Variants in ZNF628 observed in about 807,000 individuals in gnomAD.
ZNF628 encodes zinc finger protein Zec.
In ZNF628, 3 loss-of-function variants were observed where a neutral mutation model predicts 2.5. The ratio of observed to expected loss-of-function variants is 1.19; its 90% CI spans 0.54 to 3.07. ZNF628 has a LOEUF of 3.07. Ranked by LOEUF, ZNF628 falls within the 30% of genes most tolerant of loss-of-function variation. ZNF628 has a pLI of 0.03. For synonymous variants in ZNF628, 861 were observed against 717.1 expected, an observed-to-expected ratio of 1.20 and a Z score of -3.21; for missense variants, 1,610 against 1,517.1, an observed-to-expected ratio of 1.06 and a Z score of -1.02.
rs1397552204 is a variant in ZNF628 at position 55,482,354 on chromosome 19, C to T, written c.1161C>T (p.Arg387=). 16 of 1,441,870 alleles carry T rather than the reference C, an allele frequency of 1.1e-5. No individual in the cohort carries two copies. The highest frequency in any genetic ancestry group is 1.5e-5 in the Non-Finnish European group (16 of 1,101,954). 89.3% of individuals were successfully genotyped at this position (1,441,870 alleles called of 1,614,324 possible). Residue 387 remains arginine, a synonymous_variant, in exon 3 of 3, where the codon CGC becomes CGT. Transcript: ENST00000598519. ...SHGAAGGQAF[R]CGSCDGSFPQ... Reference sequence around the variant, plus strand: ...GGGCTGCCGGCGGGCAAGCGTTCCGCTGCGGCAGCTGCGACGGCTCCTTCC... The same window carrying T: ...GGGCTGCCGGCGGGCAAGCGTTCCGTTGCGGCAGCTGCGACGGCTCCTTCC...
At position 55,481,301 on chromosome 19, in the gene ZNF628, C is replaced by T. The variant is rs1470515935; in HGVS notation, c.108C>T (p.Tyr36=). 4 of 1,609,024 alleles carry T rather than the reference C, an allele frequency of 2.5e-6. No individual in the cohort carries two copies. Among genetic ancestry groups the T allele is most frequent in the Admixed American group, 1.7e-5 (1 of 59,452 alleles). The change falls in exon 3 of 3, where the codon TAC becomes TAT. Residue 36 remains tyrosine, a synonymous_variant. Coordinates refer to ENST00000598519, the MANE Select transcript of ZNF628 (RefSeq NM_033113.3). ...CGGCCCCTGCCCCGGCGGCCCAGTA[C>T]GAATGTGGGGAGTGTGGCAAGTCAT... is the stretch of plus-strand genomic sequence containing the variant. The part of the protein sequence containing the change: ...GPAAPAPAAQ[Y]ECGECGKSFR...
Position 55,483,239 on chromosome 19 carries a change from C to G in ZNF628, c.2046C>G (p.Pro682=). The part of the protein sequence containing the change: ...PPATQDVHVL[P]HLQATLSLEV... ...CCACCCAAGATGTCCACGTCCTGCC[C>G]CACCTCCAGGCCACGCTCTCCCTCG... The change falls in exon 3 of 3, where the codon CCC becomes CCG. Residue 682 remains proline, a synonymous_variant. Coordinates refer to ENST00000598519, the MANE Select transcript of ZNF628 (RefSeq NM_033113.3). The G allele has an allele frequency of 6.5e-7, 1 of 1,536,628 alleles. No homozygotes were observed. The highest frequency in any genetic ancestry group is 8.7e-7 in the Non-Finnish European group (1 of 1,146,796).
intron 1 of ZNF628, among the ~76,000 whole-genome samples, chr19:55,477,849 G>T (rs182599385): frequency 6.6e-6 from 1 of 152,102 alleles, no homozygotes; most frequent in East Asian, 1.9e-4. Flanking sequence ...TGTTTACTGC[G>T]CACACACTCT....
chr19:55,477,083 A>G (rs1986569815), intron 1 of ZNF628, among the ~76,000 whole-genome samples: 1 of 152,172 alleles, frequency 6.6e-6, no homozygotes, highest in Non-Finnish European at 1.5e-5. Flanking sequence ...AAGGCCAGTG[A>G]CCGTTTCCCA....
In ZNF628 at chr19:55,482,473, C is replaced by A; in HGVS notation, c.1280C>A (p.Thr427Asn). The part of the protein sequence containing the change: ...PPPQAEAAEV[T>N]CPQEPLAPAA... ...CCGCAGGCTGAGGCTGCGGAGGTGA[C>A]CTGCCCCCAGGAACCGCTGGCGCCT... Residue 427 changes from threonine (T) to asparagine (N), a missense_variant, in exon 3 of 3, where the codon ACC becomes AAC. Thr to Asn is a moderately conservative substitution (Grantham distance 65). Around this residue, in one of 5 missense-constraint regions of ZNF628, gnomAD observed 651 missense variants for 575.6 expected, o/e 1.13. Transcript: ENST00000598519. 2 of 1,433,804 alleles carry A rather than the reference C, an allele frequency of 1.4e-6. No homozygotes were observed. Among genetic ancestry groups the A allele is most frequent in the Non-Finnish European group, 1.8e-6 (2 of 1,099,730 alleles). 88.8% of individuals were successfully genotyped at this position (1,433,804 alleles called of 1,614,324 possible). A position where few individuals can be genotyped will look rare whatever the true frequency, so the allele number is the denominator to read the frequency against.
chr19:55,482,552 C>G lies in ZNF628; in HGVS notation c.1359C>G (p.Pro453=), dbSNP rs934336159. 9.5e-6 allele frequency: 15 copies of G among 1,585,512 alleles called. No individual in the cohort carries two copies. The highest frequency in any genetic ancestry group is 1.3e-5 in the Non-Finnish European group (15 of 1,171,870). The change falls in exon 3 of 3, where the codon CCC becomes CCG. Residue 453 remains proline, a synonymous_variant. Transcript: ENST00000598519. ...CCGCCCCCGCTTCTGCGGAGCGGCC[C>G]TACAAATGTGCCGAGTGCGGCAAGT... The part of the protein sequence containing the change: ...PPSAPASAER[P]YKCAECGKSF...
In ZNF628 at chr19:55,481,877, C is replaced by T. The variant is rs1366322826; in HGVS notation, c.684C>T (p.Ala228=). The T allele has an allele frequency of 2.0e-6, 3 of 1,529,534 alleles. No individual in the cohort carries two copies. Among genetic ancestry groups the T allele is most frequent in the Non-Finnish European group, 2.6e-6 (3 of 1,140,536 alleles). 94.7% of individuals were successfully genotyped at this position (1,529,534 alleles called of 1,614,324 possible). A position where few individuals can be genotyped will look rare whatever the true frequency, so the allele number is the denominator to read the frequency against. ...NLLLHQRTHG[A]APAPGTASAA... ...TGCTGCACCAGCGCACGCACGGCGC[C>T]GCCCCCGCCCCGGGTACCGCCTCCG... The change falls in exon 3 of 3, where the codon GCC becomes GCT. Residue 228 remains alanine, a synonymous_variant. Coordinates refer to ENST00000598519, the MANE Select transcript of ZNF628 (RefSeq NM_033113.3).
chr19:55,482,568 T>G lies in ZNF628; in HGVS notation c.1375T>G (p.Cys459Gly), dbSNP rs1381124677. 6.4e-7 allele frequency: 1 copy of G among 1,571,516 alleles called. No individual in the cohort carries two copies. The highest frequency in any genetic ancestry group is 8.6e-7 in the Non-Finnish European group (1 of 1,159,224). ...GGAGCGGCCCTACAAATGTGCCGAG[T>G]GCGGCAAGTCCTTCAAGGGCTCCTC... ...SAERPYKCAE[C>G]GKSFKGSSGL... The change falls in exon 3 of 3, where the codon TGC (cysteine) becomes GGC (glycine). Residue 459 changes from cysteine to glycine, a missense_variant. Cys to Gly is a radical substitution (Grantham distance 159). This residue lies in a region of ZNF628 where 651 missense variants were observed against 575.6 expected (regional missense o/e 1.13). Transcript: ENST00000598519.
chr19:55,484,311 G>A lies in ZNF628; in HGVS notation c.3118G>A (p.Gly1040Ser), dbSNP rs1257162545. The A allele has an allele frequency of 2.7e-6, 4 of 1,500,836 alleles. No individual in the cohort carries two copies. Among genetic ancestry groups the A allele is most frequent in the Non-Finnish European group, 2.7e-6 (3 of 1,123,882 alleles). 93.0% of individuals were successfully genotyped at this position (1,500,836 alleles called of 1,614,324 possible). ...GAGPGVMTPQ[G>S]LPSIQIVQTL... ...TGGGCCTGGTGTTATGACCCCTCAG[G>A]GCCTGCCCTCCATCCAGATTGTCCA... Residue 1040 changes from glycine to serine, a missense_variant, in exon 3 of 3, where the codon GGC becomes AGC. Gly to Ser is a moderately conservative substitution (Grantham distance 56, BLOSUM62 0). Coordinates refer to ENST00000598519, the MANE Select transcript of ZNF628 (RefSeq NM_033113.3).
In ZNF628 at chr19:55,482,310, C is replaced by A. The variant is rs1599899862; in HGVS notation, c.1117C>A (p.Arg373Ser). 1 of 1,468,418 alleles carries A rather than the reference C, an allele frequency of 6.8e-7. No homozygotes were observed. The highest frequency in any genetic ancestry group is 9.0e-7 in the Non-Finnish European group (1 of 1,115,786). 91.0% of individuals were successfully genotyped at this position (1,468,418 alleles called of 1,614,324 possible). A position where few individuals can be genotyped will look rare whatever the true frequency, so the allele number is the denominator to read the frequency against. ...CTTCCGGACGGTGGCTGGGCTCTCC[C>A]GCCACCAGCACAGCCACGGGGCTGC... ...KSFRTVAGLS[R>S]HQHSHGAAGG... The change falls in exon 3 of 3, where the codon CGC becomes AGC. Residue 373 changes from arginine to serine, a missense_variant. Coordinates refer to ENST00000598519, the MANE Select transcript of ZNF628 (RefSeq NM_033113.3).
rs1986808184 is a variant in ZNF628, at chr19:55,483,455, CGGCCGTGCAAGGCAG to C, written c.2267_2281del (p.Arg756_Gly760del). The C allele has an allele frequency of 6.6e-7, 1 of 1,510,774 alleles. No homozygotes were observed. The highest frequency in any genetic ancestry group is 1.4e-5 in the African/African-American group (1 of 72,538). 93.6% of individuals were successfully genotyped at this position (1,510,774 alleles called of 1,614,324 possible). A position where few individuals can be genotyped will look rare whatever the true frequency, so the allele number is the denominator to read the frequency against. On this transcript the variant is annotated inframe_deletion, in exon 3 of 3. Transcript: ENST00000598519. ...CCTCCTCCAGTGCTGGGGCTGGGGGCGGCCGTGCAAGGCAGGGCCCGCGGGCAGTGGGGAAAGCGG... is the reference window on the plus strand; with the variant it reads ...CCTCCTCCAGTGCTGGGGCTGGGGGCGGCCCGCGGGCAGTGGGGAAAGCGG...
chr19:55,478,777 A>G (rs938749831), intron 1 of ZNF628, among the ~76,000 whole-genome samples: 3 of 152,174 alleles, frequency 2.0e-5, no homozygotes, highest in Non-Finnish European at 1.5e-5. Context: ...TCCGCCTGGA[A>G]GGGGAATCTG....
chr19:55,482,226 C>T lies in ZNF628; in HGVS notation c.1033C>T (p.Pro345Ser). The part of the protein sequence containing the change: ...ADQPPSPLPQ[P>S]PPPAAAPAPG... ...CCAGCCACCGTCCCCTCTGCCGCAG[C>T]CCCCTCCTCCCGCCGCCGCCCCCGC... is the stretch of plus-strand genomic sequence containing the variant. The change falls in exon 3 of 3, where the codon CCC becomes TCC. Residue 345 changes from proline (P) to serine (S), a missense_variant. Physicochemically the swap from Pro to Ser is moderately conservative, Grantham distance 74. This residue lies in a region of ZNF628 where 651 missense variants were observed against 575.6 expected (regional missense o/e 1.13). Transcript: ENST00000598519. 1.4e-6 allele frequency: 2 copies of T among 1,455,224 alleles called. No homozygotes were observed. The highest frequency in any genetic ancestry group is 1.8e-6 in the Non-Finnish European group (2 of 1,111,732). 90.1% of individuals were successfully genotyped at this position (1,455,224 alleles called of 1,614,324 possible).
In ZNF628 at chr19:55,479,829, C is replaced by T. The variant is rs1172855275; in HGVS notation, c.-77-5C>T. On this transcript the variant is annotated splice_region_variant and splice_polypyrimidine_tract_variant and intron_variant, in intron 1 of 2. Coordinates refer to ENST00000598519, the MANE Select transcript of ZNF628 (RefSeq NM_033113.3). This position sits in a 1 kb window ranked among gnomAD's most constrained non-coding sequence, Gnocchi z 5.1. ...CTTCGCGTCTGATTGCTTTTATTTT[C>T]ACAGAGGCATGATCAAGGACAGGGT... 3 of 398,846 alleles carry T rather than the reference C, an allele frequency of 7.5e-6. No homozygotes were observed. Among genetic ancestry groups the T allele is most frequent in the Non-Finnish European group, 1.3e-5 (3 of 226,130 alleles). The allele number at this position is 398,846 out of a possible 1,614,324, so 24.7% of individuals were successfully genotyped here.
Position 55,482,850 on chromosome 19 carries a change from C to G in ZNF628, c.1657C>G (p.Leu553Val). 6.2e-7 allele frequency: 1 copy of G among 1,603,508 alleles called. No homozygotes were observed. The highest frequency in any genetic ancestry group is 8.5e-7 in the Non-Finnish European group (1 of 1,173,158). ...CAAGGCCTTCCGCAACACGTCGTGC[C>G]TGCGTCGCCACCGCCACGTGCACAC... is the stretch of plus-strand genomic sequence containing the variant. ...CGKAFRNTSC[L>V]RRHRHVHTGE... The change falls in exon 3 of 3, where the codon CTG becomes GTG. Residue 553 changes from leucine to valine, a missense_variant. By Grantham distance (32) the Leu-to-Val change is conservative. This residue lies in a region of ZNF628 where 651 missense variants were observed against 575.6 expected (regional missense o/e 1.13). Transcript: ENST00000598519.
Position 55,484,114 on chromosome 19 carries a change from T to C in ZNF628, c.2921T>C (p.Leu974Pro). The C allele has an allele frequency of 6.3e-7, 1 of 1,591,420 alleles. No homozygotes were observed. The highest frequency in any genetic ancestry group is 8.5e-7 in the Non-Finnish European group (1 of 1,170,982). The change falls in exon 3 of 3, where the codon CTC (leucine) becomes CCC (proline). Residue 974 changes from leucine (L) to proline (P), a missense_variant. Physicochemically the swap from Leu to Pro is moderately conservative, Grantham distance 98. This residue lies in a region of ZNF628 where 712 missense variants were observed against 603.6 expected (regional missense o/e 1.18). Coordinates refer to ENST00000598519, the MANE Select transcript of ZNF628 (RefSeq NM_033113.3). ...GCCACCGGCCCACCCGGACAGAAAC[T>C]CCTCATCATCCGCAGCGCCCCAGCC... ...PPATGPPGQK[L>P]LIIRSAPATE...
chr19:55,483,877 G>T lies in ZNF628; in HGVS notation c.2684G>T (p.Gly895Val), dbSNP rs778251937. ...CCCAACCTGCTGGTTGTTCAGAGCG[G>T]GGCAGCTGAGGAGTTGCTCACTGGC... ...EAPNLLVVQSGAAEELLTGPG... is the reference protein window; with the variant it reads ...EAPNLLVVQSVAAEELLTGPG... The change falls in exon 3 of 3, where the codon GGG (glycine) becomes GTG (valine). Residue 895 changes from glycine to valine, a missense_variant. Coordinates refer to ENST00000598519, the MANE Select transcript of ZNF628 (RefSeq NM_033113.3). The T allele has an allele frequency of 2.5e-6, 4 of 1,607,150 alleles. No individual in the cohort carries two copies. Among genetic ancestry groups the T allele is most frequent in the Non-Finnish European group, 3.4e-6 (4 of 1,176,266 alleles).
rs748897137 is a variant in ZNF628 at position 55,483,075 on chromosome 19, G to C, written c.1882G>C (p.Gly628Arg). 1.1e-5 allele frequency: 18 copies of C among 1,609,506 alleles called. No individual in the cohort carries two copies. The highest frequency in any genetic ancestry group is 1.5e-5 in the Non-Finnish European group (18 of 1,179,386). ...AERPFTCPIC[G>R]RGFVMAAYLQ... is the part of the protein sequence containing the mutation. ...GCGCCCCTTCACCTGCCCCATCTGC[G>C]GTCGCGGCTTCGTTATGGCCGCCTA... The change falls in exon 3 of 3, where the codon GGT (glycine) becomes CGT (arginine). Residue 628 changes from glycine (G) to arginine (R), a missense_variant. By Grantham distance (125) the Gly-to-Arg change is moderately radical (BLOSUM62 -2). Coordinates refer to ENST00000598519, the MANE Select transcript of ZNF628 (RefSeq NM_033113.3).
chr19:55,483,134 C>G lies in ZNF628; in HGVS notation c.1941C>G (p.Ala647=), dbSNP rs1384390544. 1 of 1,585,902 alleles carries G rather than the reference C, an allele frequency of 6.3e-7. No individual in the cohort carries two copies. Among genetic ancestry groups the G allele is most frequent in the African/African-American group, 1.3e-5 (1 of 74,590 alleles). The change falls in exon 3 of 3, where the codon GCC becomes GCG. Residue 647 remains alanine, a synonymous_variant. Coordinates refer to ENST00000598519, the MANE Select transcript of ZNF628 (RefSeq NM_033113.3). The part of the protein sequence containing the change: ...LQRHLRTHAP[A]NTPPSTTAPA... ...GGCACCTGAGGACGCACGCCCCGGC[C>G]AACACGCCTCCCAGCACCACAGCCC...
Sources: gnomAD v4.1 joint callset for allele counts (sites outside exome capture counted in the v4.1 genomes callset) on GRCh38, gnomAD v4.1.1 for gene constraint, gnomAD v4.1.1 regional missense constraint, Gnocchi (gnomAD v3.1) non-coding constraint, MANE v1.5 for transcripts, NCBI Gene and HGNC (gene_info 2026-07-23, HGNC 2026-07-21) for gene names.